The following UBE2N variants were observed in gnomAD, a reference collection of about 807,000 sequenced individuals.
UBE2N encodes the protein ubiquitin conjugating enzyme E2 N, also known as ubiquitin-conjugating enzyme E2 N.
For synonymous variants in UBE2N, 70 were observed against 69.2 expected (o/e 1.01, Z -0.06); for missense variants, 60 against 192.1 (o/e 0.31, Z 4.07).
intron 1 of UBE2N, among the ~76,000 whole-genome samples, chr12:93,412,559 C>T (rs1289612021): frequency 1.3e-5 from 2 of 152,174 alleles, no homozygotes; most frequent in East Asian, 3.8e-4. Flanking sequence ...AGGGTACACT[C>T]GCCAGGAGTT....
chr12:93,423,975 TAAAG>T (rs1339073287), intron 1 of UBE2N, among the ~76,000 whole-genome samples: 1 of 152,204 alleles, frequency 6.6e-6, no homozygotes, highest in Non-Finnish European at 1.5e-5. Flanking sequence ...ACTTGCTCAT[TAAAG>T]AAATACATAA....
At chr12:93,430,621 C>A (rs11107025) in intron 1 of UBE2N, among the ~76,000 whole-genome samples, 26,759 of 151,580 alleles carry the variant, frequency 0.18, 2,437 homozygotes, top group Non-Finnish European at 0.19. Context: ...TTAAAAAAAA[C>A]CAAGAAAAGC....
Position 93,410,884 on chromosome 12 carries a change from C to T in UBE2N, c.278-10G>A. The T allele has an allele frequency of 6.2e-7, 1 of 1,614,060 alleles. No individual in the cohort carries two copies. The highest frequency in any genetic ancestry group is 8.5e-7 in the Non-Finnish European group (1 of 1,180,016). On this transcript the variant is annotated splice_polypyrimidine_tract_variant and intron_variant, in intron 2 of 3. Coordinates refer to ENST00000318066, the MANE Select transcript of UBE2N (RefSeq NM_003348.4). ...GCTGGGGACCACTTATCTATGAAGG[C>T]AACAGGCCCAGTATGATAAAGCATG...
intron 1 of UBE2N, among the ~76,000 whole-genome samples, chr12:93,415,810 T>A (rs1878188639): frequency 6.6e-6 from 1 of 152,142 alleles, no homozygotes; most frequent in Non-Finnish European, 1.5e-5. Context: ...CACAAAGTAG[T>A]AGCAGCTCTG....
At chr12:93,410,680 TAATACA>T (rs1878007378) in intron 3 of UBE2N, 48 bp downstream of exon 3, 1 of 1,605,786 alleles carries the variant, frequency 6.2e-7, no homozygotes, top group South Asian at 1.1e-5. Context: ...GTTTAAGTGG[TAATACA>T]AATTTGTAAA....
chr12:93,417,839 T>A (rs1187536739), intron 1 of UBE2N, among the ~76,000 whole-genome samples: 2 of 151,992 alleles, frequency 1.3e-5, no homozygotes, highest in African/African-American at 4.8e-5. Flanking sequence ...AGAAAAAAAA[T>A]TTAAATAAAG....
chr12:93,439,182 C>T (rs191131725), intron 1 of UBE2N, among the ~76,000 whole-genome samples: 1 of 152,338 alleles, frequency 6.6e-6, no homozygotes, highest in Non-Finnish European at 1.5e-5. Context: ...CACTAAATTT[C>T]ATCCTTTGAA....
chr12:93,414,867 G>A (rs1878153287), intron 1 of UBE2N, among the ~76,000 whole-genome samples: 2 of 152,170 alleles, frequency 1.3e-5, no homozygotes, highest in South Asian at 2.1e-4. Context: ...TCCATGAGAG[G>A]ATGGATTTGA....
In UBE2N at chr12:93,407,477, G is replaced by A. The variant is rs536556825; in HGVS notation, c.*2562C>T. ...ATTACAAAGTCAAAGGCTTACAAGG[G>A]GGAAGGACTAGCAGGTGTGCTCGGA... On this transcript the variant is annotated 3_prime_UTR_variant, in exon 4 of 4. Transcript: ENST00000318066. 2.0e-5 allele frequency: 3 copies of A among 152,326 alleles called. No individual in the cohort carries two copies. The highest frequency in any genetic ancestry group is 7.2e-5 in the African/African-American group (3 of 41,546). 9.4% of individuals were successfully genotyped at this position (152,326 alleles called of 1,614,324 possible).
chr12:93,434,369 T>C (rs1160668731), intron 1 of UBE2N, among the ~76,000 whole-genome samples: 1 of 152,244 alleles, frequency 6.6e-6, no homozygotes, highest in East Asian at 1.9e-4. Flanking sequence ...AGCAAATGCA[T>C]AACATTTCCA....
intron 1 of UBE2N, among the ~76,000 whole-genome samples, chr12:93,413,828 T>C (rs1400958331): frequency 6.6e-6 from 1 of 152,192 alleles, no homozygotes; most frequent in East Asian, 1.9e-4. Context: ...CTGACCTCAC[T>C]ACCTCCCTCG....
chr12:93,407,840 A>T lies in UBE2N; in HGVS notation c.*2199T>A, dbSNP rs1019148809. ...AGTCCTAAGAAGGCTCAGTCAACAC[A>T]CTGGCACTCGTTTCATCCCACTGGT... is the stretch of plus-strand genomic sequence containing the variant. On this transcript the variant is annotated 3_prime_UTR_variant, in exon 4 of 4. Coordinates refer to ENST00000318066, the MANE Select transcript of UBE2N (RefSeq NM_003348.4). 4 of 152,202 alleles carry T rather than the reference A, an allele frequency of 2.6e-5. No homozygotes were observed. Among genetic ancestry groups the T allele is most frequent in the Non-Finnish European group, 5.9e-5 (4 of 68,050 alleles). The allele number at this position is 152,202 out of a possible 1,614,324, so 9.4% of individuals were successfully genotyped here.
chr12:93,436,600 C>A (rs530576122), intron 1 of UBE2N, among the ~76,000 whole-genome samples: 14 of 152,222 alleles, frequency 9.2e-5, no homozygotes, highest in Non-Finnish European at 1.9e-4. Context: ...ACCTCCTAAC[C>A]TTTATGACTT....
chr12:93,433,601 T>G (rs1878833942), intron 1 of UBE2N, among the ~76,000 whole-genome samples: 1 of 151,960 alleles, frequency 6.6e-6, no homozygotes, highest in Admixed American at 6.5e-5. Flanking sequence ...TGATATAATA[T>G]TATTACATAA....
At chr12:93,434,658 G>A (rs1260403839) in intron 1 of UBE2N, among the ~76,000 whole-genome samples, 1 of 152,100 alleles carries the variant, frequency 6.6e-6, no homozygotes. Context: ...GGAGCACATG[G>A]AGACCTAGGG....
chr12:93,409,415 C>T lies in UBE2N; in HGVS notation c.*624G>A, dbSNP rs564455412. ...GATTTACAGAAGTTTCCAGACAAGC[C>T]ATACAAAATGGTCACAAGCTTTTTT... is the stretch of plus-strand genomic sequence containing the variant. On this transcript the variant is annotated 3_prime_UTR_variant, in exon 4 of 4. Coordinates refer to ENST00000318066, the MANE Select transcript of UBE2N (RefSeq NM_003348.4). The T allele has an allele frequency of 1.8e-5, 3 of 166,794 alleles. No individual in the cohort carries two copies. Among genetic ancestry groups the T allele is most frequent in the Non-Finnish European group, 2.9e-5 (2 of 68,102 alleles). The allele number at this position is 166,794 out of a possible 1,614,324, so 10.3% of individuals were successfully genotyped here.
At chr12:93,426,390 C>CA (rs57644203) in intron 1 of UBE2N, among the ~76,000 whole-genome samples, 4,632 of 101,116 alleles carry the variant, frequency 0.046, 324 homozygotes, top group African/African-American at 0.15. Context: ...AAACTGCATC[C>CA]AAAAAAAAAA....
rs867514305 is a variant in UBE2N, at chr12:93,432,490, C to A, written c.30+9365G>T. Among the ~76,000 whole-genome samples, 1,218 of 128,668 alleles carry A rather than the reference C, an allele frequency of 9.5e-3. 13 individuals are homozygous for A. The highest frequency in any genetic ancestry group is 0.027 in the African/African-American group (1,001 of 37,548). The allele number at this position is 128,668 out of a possible 152,430, so 84.4% of individuals were successfully genotyped here. The stretch of plus-strand genomic sequence containing the variant: ...TTTAAGAGTCACAAAAAAAAAAAAA[C>A]AAAACAAAACAGCTACTTACTAACA... On this transcript the variant is annotated intron_variant, in intron 1 of 3. Coordinates refer to ENST00000318066, the MANE Select transcript of UBE2N (RefSeq NM_003348.4).
At chr12:93,428,310 A>G (rs898250542) in intron 1 of UBE2N, among the ~76,000 whole-genome samples, 5 of 152,240 alleles carry the variant, frequency 3.3e-5, no homozygotes, top group African/African-American at 4.8e-5. Flanking sequence ...GAAGCTAAGT[A>G]TCTGTGATCC....
Sources: gnomAD v4.1 joint callset for allele counts (sites outside exome capture counted in the v4.1 genomes callset) on GRCh38, gnomAD v4.1.1 for gene constraint, MANE v1.5 for transcripts, NCBI Gene and HGNC (gene_info 2026-07-23, HGNC 2026-07-21) for gene names.